STT3B: variants seen among roughly 807,000 people sequenced by gnomAD.
STT3B encodes STT3 oligosaccharyltransferase complex catalytic subunit B, also known as dolichyl-diphosphooligosaccharide--protein glycosyltransferase subunit STT3B.
Under a neutral mutation model 96.8 loss-of-function variants are expected in STT3B, and 29 were observed. That is an observed-to-expected ratio of 0.30 (90% confidence interval 0.22 to 0.41). STT3B has a LOEUF of 0.41. STT3B is among the 10% of genes least tolerant of loss of function. STT3B has a pLI of 1.00. For missense variants in STT3B, 640 were observed against 1,022.3 expected (o/e 0.63, Z 5.10); for synonymous variants, 367 against 360.0 (o/e 1.02, Z -0.22).
At chr3:31,626,173 G>A in intron 13 of STT3B, 46 bp downstream of exon 13, 2 of 1,519,230 alleles carry the variant, frequency 1.3e-6, no homozygotes, top group Non-Finnish European at 1.8e-6. Context: ...AGCTCACTGT[G>A]TCCTCGTAAT....
At chr3:31,596,893 G>A (rs1298524636) in intron 4 of STT3B, 30 bp downstream of exon 4, 2 of 1,501,418 alleles carry the variant, frequency 1.3e-6, no homozygotes, top group Non-Finnish European at 1.8e-6. Flanking sequence ...ACTACATGAA[G>A]TCTAGTAGGT....
At position 31,619,807 on chromosome 3, in the gene STT3B, A is replaced by G; in HGVS notation, c.1304A>G (p.Asn435Ser). ...GCAGGCCTTTGGTTCTGCATCAAAA[A>G]TATCAACGATGAAAGAGTATTTGGT... ...FPAGLWFCIK[N>S]INDERVFVAL... Residue 435 changes from asparagine to serine, a missense_variant, in exon 9 of 16, where the codon AAT becomes AGT. By Grantham distance (46) the Asn-to-Ser change is conservative (BLOSUM62 1). Transcript: ENST00000295770. 1 of 1,611,976 alleles carries G rather than the reference A, an allele frequency of 6.2e-7. No individual in the cohort carries two copies. The highest frequency in any genetic ancestry group is 1.1e-5 in the South Asian group (1 of 90,080).
At chr3:31,583,311 T>A (rs559730922) in intron 3 of STT3B, among the ~76,000 whole-genome samples, 145 of 150,884 alleles carry the variant, frequency 9.6e-4, no homozygotes, top group Non-Finnish European at 1.5e-3. Flanking sequence ...ACCTTTTTTT[T>A]AAAAAAAAAA....
intron 1 of STT3B, 37 bp from the exon 2 acceptor site, chr3:31,576,359 C>A: frequency 8.3e-7 from 1 of 1,209,464 alleles, no homozygotes; most frequent in Non-Finnish European, 1.2e-6. Context: ...TTCTATTAAG[C>A]AGTTTTATAA....
intron 5 of STT3B, among the ~76,000 whole-genome samples, chr3:31,612,631 T>C (rs545141006): frequency 6.6e-6 from 1 of 152,352 alleles, no homozygotes; most frequent in South Asian, 2.1e-4. Context: ...CATCTGCTTC[T>C]GTATAAAATG....
rs376965375 is a variant in STT3B at position 31,579,959 on chromosome 3, C to G, written c.574C>G (p.Leu192Val). Residue 192 changes from leucine to valine, a missense_variant, in exon 3 of 16, where the codon CTT becomes GTT. Leu to Val is a conservative substitution (Grantham distance 32). Around this residue, in one of 8 missense-constraint regions of STT3B, gnomAD observed 267 missense variants for 388.3 expected, o/e 0.69. Transcript: ENST00000295770. ...SISTFLLTRE[L>V]WNQGAGLLAA... The stretch of plus-strand genomic sequence containing the variant: ...ATCTACTTTCCTGCTTACAAGAGAA[C>G]TTTGGAACCAAGGAGCAGGACTTTT... 2 of 1,613,744 alleles carry G rather than the reference C, an allele frequency of 1.2e-6. No individual in the cohort carries two copies. The highest frequency in any genetic ancestry group is 1.7e-6 in the Non-Finnish European group (2 of 1,179,848).
At position 31,619,804 on chromosome 3, in the gene STT3B, A is replaced by G; in HGVS notation, c.1301A>G (p.Lys434Arg). The change falls in exon 9 of 16, where the codon AAA (lysine) becomes AGA (arginine). Residue 434 changes from lysine (K) to arginine (R), a missense_variant. This residue lies in a region of STT3B where 33 missense variants were observed against 43.1 expected (regional missense o/e 0.77). Coordinates refer to ENST00000295770, the MANE Select transcript of STT3B (RefSeq NM_178862.3). ...TFPAGLWFCI[K>R]NINDERVFVA... ...CCAGCAGGCCTTTGGTTCTGCATCA[A>G]AAATATCAACGATGAAAGAGTATTT... 8 of 1,612,164 alleles carry G rather than the reference A, an allele frequency of 5.0e-6. No homozygotes were observed. The highest frequency in any genetic ancestry group is 5.9e-6 in the Non-Finnish European group (7 of 1,179,560).
chr3:31,623,473 T>G (rs1699470180), intron 10 of STT3B, among the ~76,000 whole-genome samples: 1 of 152,210 alleles, frequency 6.6e-6, no homozygotes, highest in Admixed American at 6.5e-5. Flanking sequence ...GTTTCTGGAT[T>G]GGTATATTCC....
At chr3:31,536,225 G>A (rs190317426) in intron 1 of STT3B, among the ~76,000 whole-genome samples, 4 of 152,230 alleles carry the variant, frequency 2.6e-5, no homozygotes, top group Admixed American at 2.6e-4. Context: ...GCTTTTCGGG[G>A]CTTTTAAATC....
intron 1 of STT3B, among the ~76,000 whole-genome samples, chr3:31,572,214 T>C (rs1698175501): frequency 6.9e-6 from 1 of 145,098 alleles, no homozygotes; most frequent in Non-Finnish European, 1.5e-5. Flanking sequence ...ATATATATTA[T>C]ATTATATATA....
intron 3 of STT3B, among the ~76,000 whole-genome samples, chr3:31,582,712 C>T (rs1698438143): frequency 6.6e-6 from 1 of 151,780 alleles, no homozygotes; most frequent in African/African-American, 2.4e-5. Flanking sequence ...CTTAGTACTA[C>T]TTTGACGGTG....
chr3:31,548,255 A>G (rs545439051), intron 1 of STT3B, among the ~76,000 whole-genome samples: 7 of 152,316 alleles, frequency 4.6e-5, no homozygotes, highest in South Asian at 4.1e-4. Flanking sequence ...GTGATAAAGT[A>G]TAAGTGTCAA....
At chr3:31,594,160 A>G (rs997298555) in intron 3 of STT3B, among the ~76,000 whole-genome samples, 1 of 152,178 alleles carries the variant, frequency 6.6e-6, no homozygotes, top group African/African-American at 2.4e-5. Context: ...TTTCACACCA[A>G]AACAATAATC....
At chr3:31,608,148 G>T (rs1418308858) in intron 5 of STT3B, among the ~76,000 whole-genome samples, 1 of 152,054 alleles carries the variant, frequency 6.6e-6, no homozygotes, top group African/African-American at 2.4e-5. Context: ...ACTGTTTATT[G>T]TACCTTCAAG....
At position 31,636,049 on chromosome 3, in the gene STT3B, TAAG is replaced by T. The variant is rs1347852906; in HGVS notation, c.2471_2473del (p.Lys824del). On this transcript the variant is annotated inframe_deletion, in exon 16 of 16. Transcript: ENST00000295770. ...TTTTTAAGAAAGGCAAGAAAATATC[TAAG>T]AAGACTGTTTAAATGCACTGTTCTG... is the stretch of plus-strand genomic sequence containing the variant. 1.2e-6 allele frequency: 2 copies of T among 1,608,406 alleles called. No homozygotes were observed. The highest frequency in any genetic ancestry group is 8.5e-7 in the Non-Finnish European group (1 of 1,177,172).
At position 31,623,696 on chromosome 3, in the gene STT3B, C is replaced by T. The variant is rs754901414; in HGVS notation, c.1562C>T (p.Ala521Val). 16 of 1,611,882 alleles carry T rather than the reference C, an allele frequency of 9.9e-6. No individual in the cohort carries two copies. In the Admixed American group the frequency reaches 2.7e-4, roughly 27 times the overall value. ...TAGGCAGGTAAAGTGAGGAAACATG[C>T]AACTGAACAGGAAAAAACTGAAGAG... Reference protein sequence around the residue: ...YDKAGKVRKHATEQEKTEEGL... With the variant: ...YDKAGKVRKHVTEQEKTEEGL... Residue 521 changes from alanine (A) to valine (V), a missense_variant, in exon 11 of 16, where the codon GCA (alanine) becomes GTA (valine). This residue lies in a region of STT3B where 149 missense variants were observed against 250.2 expected (regional missense o/e 0.60). Transcript: ENST00000295770.
intron 3 of STT3B, among the ~76,000 whole-genome samples, chr3:31,595,104 C>CT (rs1324025439): frequency 2.6e-5 from 4 of 152,200 alleles, no homozygotes; most frequent in Non-Finnish European, 5.9e-5. Context: ...CCAGCAAAGT[C>CT]TATCTGTTCA....
chr3:31,540,167 A>G (rs1431641904), intron 1 of STT3B, among the ~76,000 whole-genome samples: 1 of 152,172 alleles, frequency 6.6e-6, no homozygotes, highest in African/African-American at 2.4e-5. Flanking sequence ...AATTTACAAT[A>G]TCGTAAATGT....
chr3:31,541,715 T>A (rs529166512), intron 1 of STT3B, among the ~76,000 whole-genome samples: 8 of 152,270 alleles, frequency 5.3e-5, no homozygotes, highest in Non-Finnish European at 7.4e-5. Flanking sequence ...TAGCTGGGAC[T>A]ACAGGCGCCC....
Sources: gnomAD v4.1 joint callset for allele counts (sites outside exome capture counted in the v4.1 genomes callset) on GRCh38, gnomAD v4.1.1 for gene constraint, gnomAD v4.1.1 regional missense constraint, MANE v1.5 for transcripts, NCBI Gene and HGNC (gene_info 2026-07-23, HGNC 2026-07-21) for gene names.